PPP1R12C: variants seen among roughly 807,000 people sequenced by gnomAD.
PPP1R12C encodes leukocyte receptor cluster (LRC) encoded novel gene 3.
PPP1R12C carries 48 observed loss-of-function variants against 95.6 expected under a neutral mutation model. The observed-to-expected ratio is 0.50, with a 90% CI of 0.40 to 0.64. The LOEUF is 0.64. Ranked by LOEUF, PPP1R12C falls within the 30% of genes least tolerant of loss-of-function variation. The pLI, the probability that PPP1R12C is intolerant of heterozygous loss-of-function variation, is 0.00. For missense variants in PPP1R12C, 1,057 were observed against 1,083.3 expected (o/e 0.98, Z 0.34); for synonymous variants, 480 against 460.8 (o/e 1.04, Z -0.53).
intron 3 of PPP1R12C, 88 bp downstream of exon 3, chr19:55,112,379 G>T: frequency 8.3e-7 from 1 of 1,198,496 alleles, no homozygotes; most frequent in South Asian, 1.4e-5. Flanking sequence ...GGTCAGCCTC[G>T]GTGCCCAGGC....
chr19:55,116,781 C>G (rs983240712), intron 1 of PPP1R12C, among the ~76,000 whole-genome samples: 1 of 151,790 alleles, frequency 6.6e-6, no homozygotes, highest in African/African-American at 2.4e-5. Context: ...GGAGCTGGCT[C>G]AGGTTCAGGA....
intron 4 of PPP1R12C, among the ~76,000 whole-genome samples, chr19:55,101,412 A>G (rs2084977512): frequency 1.3e-5 from 2 of 152,202 alleles, no homozygotes; most frequent in Admixed American, 1.3e-4. Flanking sequence ...GTACCCACAC[A>G]GGCCCCCTGG....
At chr19:55,112,271 G>A (rs905944045) in intron 3 of PPP1R12C, 196 bp downstream of exon 3, 99 of 518,776 alleles carry the variant, frequency 1.9e-4, no homozygotes, top group East Asian at 1.9e-4. Flanking sequence ...CATCCTGTGC[G>A]TGTGCTGGGC....
intron 3 of PPP1R12C, among the ~76,000 whole-genome samples, chr19:55,105,754 T>G (rs1366976234): frequency 6.6e-6 from 1 of 152,066 alleles, no homozygotes; most frequent in Non-Finnish European, 1.5e-5. Context: ...GAGAACAGCC[T>G]GAGCAACATA....
At chr19:55,106,461 C>T (rs943138435) in intron 3 of PPP1R12C, among the ~76,000 whole-genome samples, 2 of 152,202 alleles carry the variant, frequency 1.3e-5, no homozygotes, top group African/African-American at 2.4e-5. Flanking sequence ...AATCAGCTCC[C>T]GTGTCCGCCC....
In PPP1R12C at chr19:55,091,393, C is replaced by A; in HGVS notation, c.*79G>T. Reference sequence around the variant, plus strand: ...TCTGAGACTTCCCCCGGAGCCCTGTCACTCGTGTTCACACGGGGGAAGGGG... The same window carrying A: ...TCTGAGACTTCCCCCGGAGCCCTGTAACTCGTGTTCACACGGGGGAAGGGG... On this transcript the variant is annotated 3_prime_UTR_variant, in exon 22 of 22. Coordinates refer to ENST00000263433, the MANE Select transcript of PPP1R12C (RefSeq NM_017607.4). 1.4e-6 allele frequency: 2 copies of A among 1,383,380 alleles called. No individual in the cohort carries two copies. The highest frequency in any genetic ancestry group is 1.2e-5 in the South Asian group (1 of 80,432). 85.7% of individuals were successfully genotyped at this position (1,383,380 alleles called of 1,614,324 possible).
chr19:55,101,631 G>A (rs534788956), intron 4 of PPP1R12C, among the ~76,000 whole-genome samples: 8 of 152,272 alleles, frequency 5.3e-5, no homozygotes, highest in South Asian at 2.1e-4. Context: ...AGATGAAGCC[G>A]CCCCCAGGAC....
chr19:55,098,896 G>A, intron 5 of PPP1R12C, 38 bp from the exon 6 acceptor site: 1 of 1,612,222 alleles, frequency 6.2e-7, no homozygotes, highest in Non-Finnish European at 8.5e-7. Flanking sequence ...CAATGAAGGA[G>A]GTGCTGGGCC....
At position 55,095,589 on chromosome 19, in the gene PPP1R12C, G is replaced by C; in HGVS notation, c.1242C>G (p.Ala414=). Reference sequence around the variant, plus strand: ...GGAGGCCAAAGCGCCTGGAGAAGGGGGCCTCTTCAAGCTGCTGGGAGAAGG... The same window carrying C: ...GGAGGCCAAAGCGCCTGGAGAAGGGCGCCTCTTCAAGCTGCTGGGAGAAGG... ...SPKSPVQLEE[A]PFSRRFGLLK... Residue 414 remains alanine (A), a synonymous_variant, in exon 10 of 22, where the codon GCC becomes GCG. Transcript: ENST00000263433. The C allele has an allele frequency of 6.4e-7, 1 of 1,569,056 alleles. No homozygotes were observed. Among genetic ancestry groups the C allele is most frequent in the East Asian group, 2.3e-5 (1 of 44,404 alleles).
rs542207392 is a variant in PPP1R12C at position 55,099,991 on chromosome 19, C to T, written c.732-896G>A. ...AAGCACAAGTCCCTCTCTCTGGTCC[C>T]GCCCACCTTGCCCTTCACCTTTCCC... On this transcript the variant is annotated intron_variant, in intron 4 of 21. Transcript: ENST00000263433. Among the ~76,000 whole-genome samples, 12 of 152,294 alleles carry T rather than the reference C, an allele frequency of 7.9e-5. No homozygotes were observed. In the East Asian group the frequency reaches 2.3e-3, roughly 29 times the overall value.
At chr19:55,112,937 A>C in intron 1 of PPP1R12C, 142 bp from the exon 2 acceptor site, 12 of 1,222,254 alleles carry the variant, frequency 9.8e-6, no homozygotes, top group Non-Finnish European at 1.4e-5. Flanking sequence ...GCCTCTGGCC[A>C]CTGGCTGTTT....
At position 55,092,673 on chromosome 19, in the gene PPP1R12C, G is replaced by T. The variant is rs1475958721; in HGVS notation, c.1912-11C>A. The T allele has an allele frequency of 2.6e-6, 4 of 1,529,012 alleles. No individual in the cohort carries two copies. Among genetic ancestry groups the T allele is most frequent in the Admixed American group, 4.3e-5 (2 of 46,814 alleles). 94.7% of individuals were successfully genotyped at this position (1,529,012 alleles called of 1,614,324 possible). ...CTCCGCCTCCTCCCCCTGTGGGCAG[G>T]TAGACGGGGGTTCAATGGGTATGGG... On this transcript the variant is annotated splice_polypyrimidine_tract_variant and intron_variant, in intron 16 of 21. Coordinates refer to ENST00000263433, the MANE Select transcript of PPP1R12C (RefSeq NM_017607.4).
intron 1 of PPP1R12C, chr19:55,113,851 T>C: frequency 5.4e-6 from 1 of 185,078 alleles, no homozygotes; most frequent in East Asian, 1.3e-4. Flanking sequence ...CAATGGGCCT[T>C]TCCCTTTCAA....
At position 55,091,201 on chromosome 19, in the gene PPP1R12C, T is replaced by C. The variant is rs1003647814; in HGVS notation, c.*271A>G. On this transcript the variant is annotated 3_prime_UTR_variant, in exon 22 of 22. Transcript: ENST00000263433. ...TCCTGGCTACTGATCCTTGCACTTC[T>C]TGGTCCTCAGTTCCTTCCTGGTCCC... 1.9e-6 allele frequency: 1 copy of C among 515,854 alleles called. No homozygotes were observed. The highest frequency in any genetic ancestry group is 3.5e-5 in the East Asian group (1 of 28,662). The allele number at this position is 515,854 out of a possible 1,614,324, so 32.0% of individuals were successfully genotyped here.
Position 55,117,600 on chromosome 19 carries a change from A to ACCCGCCCGCCCG in PPP1R12C, c.-69_-58dup. On this transcript the variant is annotated 5_prime_UTR_variant, in exon 1 of 22. Transcript: ENST00000263433. ...GCGCCGAGCCCCAACCGCCGCCACC[A>ACCCGCCCGCCCG]CCCGCCCGCCCGCCCGCCCCGGGGG... is the stretch of plus-strand genomic sequence containing the variant. The ACCCGCCCGCCCG allele has an allele frequency of 2.3e-6, 2 of 878,682 alleles. No homozygotes were observed. The highest frequency in any genetic ancestry group is 2.6e-6 in the Non-Finnish European group (2 of 757,128). The allele number at this position is 878,682 out of a possible 1,614,324, so 54.4% of individuals were successfully genotyped here.
At chr19:55,099,928 A>T (rs909362144) in intron 4 of PPP1R12C, among the ~76,000 whole-genome samples, 1 of 152,238 alleles carries the variant, frequency 6.6e-6, no homozygotes, top group African/African-American at 2.4e-5. Context: ...AAGTGGGAAC[A>T]GATGGACAGC....
rs1351169558 is a variant in PPP1R12C, at chr19:55,094,425, T to A, written c.1603A>T (p.Met535Leu). 1 of 1,613,498 alleles carries A rather than the reference T, an allele frequency of 6.2e-7. No individual in the cohort carries two copies. Among genetic ancestry groups the A allele is most frequent in the Non-Finnish European group, 8.5e-7 (1 of 1,180,004 alleles). ...DSRDRRRSYQ[M>L]PVRDEESESQ... ...TCCGACTCCTCATCCCGCACAGGCATCTGGTAGGACCTGAGGGAAGGGTCC... is the reference window on the plus strand; with the variant it reads ...TCCGACTCCTCATCCCGCACAGGCAACTGGTAGGACCTGAGGGAAGGGTCC... Residue 535 changes from methionine to leucine, a missense_variant, in exon 13 of 22, where the codon ATG (methionine) becomes TTG (leucine). Physicochemically the swap from Met to Leu is conservative, Grantham distance 15. Around this residue, in one of 5 missense-constraint regions of PPP1R12C, gnomAD observed 356 missense variants for 330.5 expected, o/e 1.08. Transcript: ENST00000263433.
Position 55,109,380 on chromosome 19 carries a change from G to A in PPP1R12C, c.571+3087C>T, listed in dbSNP as rs1016896952. ...CCCAAAGTGCTGGGCTTACAGGTCT[G>A]AGCCACTGTGCCAGGCCTCAAATGG... On this transcript the variant is annotated intron_variant, in intron 3 of 21. Coordinates refer to ENST00000263433, the MANE Select transcript of PPP1R12C (RefSeq NM_017607.4). This position sits in a 1 kb window ranked among gnomAD's most constrained non-coding sequence, Gnocchi z 4.4. 1.3e-5 allele frequency among the ~76,000 whole-genome samples: 2 copies of A among 152,252 alleles called. No individual in the cohort carries two copies. Among genetic ancestry groups the A allele is most frequent in the Admixed American group, 6.5e-5 (1 of 15,286 alleles).
chr19:55,114,396 C>T lies in PPP1R12C; in HGVS notation c.322-1601G>A, dbSNP rs111250036. The T allele has an allele frequency of 6.4e-3, 977 of 152,584 alleles. 5 individuals are homozygous for T. Among genetic ancestry groups the T allele is most frequent in the Non-Finnish European group, 0.01 (697 of 68,252 alleles). 9.5% of individuals were successfully genotyped at this position (152,584 alleles called of 1,614,324 possible). On this transcript the variant is annotated intron_variant, in intron 1 of 21. Transcript: ENST00000263433. Reference sequence around the variant, plus strand: ...AGCCTCACCAAGTGGTTGATAAACCCACGTGGGGTACCCTAAGAACTTGGG... The same window carrying T: ...AGCCTCACCAAGTGGTTGATAAACCTACGTGGGGTACCCTAAGAACTTGGG...
Sources: gnomAD v4.1 joint callset for allele counts (sites outside exome capture counted in the v4.1 genomes callset) on GRCh38, gnomAD v4.1.1 for gene constraint, gnomAD v4.1.1 regional missense constraint, Gnocchi (gnomAD v3.1) non-coding constraint, MANE v1.5 for transcripts, NCBI Gene and HGNC (gene_info 2026-07-23, HGNC 2026-07-21) for gene names.